MMP15: variants seen among roughly 807,000 people sequenced by gnomAD.
MMP15 encodes matrix metallopeptidase 15.
In MMP15, 36 loss-of-function variants were observed where a neutral mutation model predicts 65.0. The observed-to-expected ratio is 0.55, with a 90% CI of 0.42 to 0.73. MMP15 has a LOEUF of 0.73. MMP15 is among the 30% of genes least tolerant of loss of function. The probability of loss-of-function intolerance (pLI) is 0.00; values close to 1 mark genes in which losing one functional copy is unlikely to be tolerated. For synonymous variants in MMP15, 428 were observed against 410.2 expected (o/e 1.04, Z -0.52); for missense variants, 870 against 987.8 (o/e 0.88, Z 1.60).
chr16:58,043,713 C>A, intron 9 of MMP15, 86 bp downstream of exon 9: 1 of 985,302 alleles, frequency 1.0e-6, no homozygotes, highest in African/African-American at 1.7e-5. Context: ...CAAGGTCACC[C>A]GGCACTGTGA....
At chr16:58,032,362 G>A (rs550040231) in intron 1 of MMP15, among the ~76,000 whole-genome samples, 87 of 152,332 alleles carry the variant, frequency 5.7e-4, no homozygotes, top group African/African-American at 9.1e-4. Flanking sequence ...GCAGCCTTCC[G>A]GGGGCTGACT....
At chr16:58,031,125 AACTAAT>A (rs1567428316) in intron 1 of MMP15, among the ~76,000 whole-genome samples, 1 of 152,128 alleles carries the variant, frequency 6.6e-6, no homozygotes. Context: ...CAAAAGAGGA[AACTAAT>A]ACTGTGAGTT....
chr16:58,035,882 C>T (rs1959321493), intron 1 of MMP15, among the ~76,000 whole-genome samples: 1 of 152,226 alleles, frequency 6.6e-6, no homozygotes, highest in Non-Finnish European at 1.5e-5. Flanking sequence ...CTGGGTACCA[C>T]TGAGCTGGCC....
intron 3 of MMP15, among the ~76,000 whole-genome samples, chr16:58,039,405 C>T (rs1959401506): frequency 6.6e-6 from 1 of 152,208 alleles, no homozygotes; most frequent in Admixed American, 6.5e-5. Context: ...GCGCTCCAGC[C>T]CGGGTGACAG....
At chr16:58,036,840 G>T (rs1298187932) in intron 1 of MMP15, among the ~76,000 whole-genome samples, 1 of 152,258 alleles carries the variant, frequency 6.6e-6, no homozygotes, top group Non-Finnish European at 1.5e-5. Flanking sequence ...AGAGGGGCTA[G>T]TGCAGTTGTC....
intron 1 of MMP15, among the ~76,000 whole-genome samples, chr16:58,027,251 C>T (rs1436971521): frequency 6.6e-6 from 1 of 152,228 alleles, no homozygotes; most frequent in Non-Finnish European, 1.5e-5. Flanking sequence ...CGCTAGGAGC[C>T]CGCTTGGCGT....
chr16:58,038,959 A>G (rs996177695), intron 3 of MMP15, among the ~76,000 whole-genome samples: 4 of 152,216 alleles, frequency 2.6e-5, no homozygotes, highest in Admixed American at 2.0e-4. Context: ...CCAACCAGCT[A>G]AAATATTCCC....
chr16:58,041,684 G>A lies in MMP15; in HGVS notation c.978G>A (p.Arg326=). Residue 326 remains arginine (R), a synonymous_variant, in exon 6 of 10, where the codon CGG becomes CGA. Transcript: ENST00000219271. ...CTGTGACGCCACGGCGGCCAGGCCG[G>A]CCTGACCACCGGCCGCCCCGGCCTC... ...LPTVTPRRPG[R]PDHRPPRPPQ... is the part of the protein sequence containing the mutation. 2 of 1,579,134 alleles carry A rather than the reference G, an allele frequency of 1.3e-6. No homozygotes were observed. The highest frequency in any genetic ancestry group is 2.3e-5 in the South Asian group (2 of 87,192).
In MMP15 at chr16:58,041,655, C is replaced by T; in HGVS notation, c.949C>T (p.Pro317Ser). 1 of 1,582,136 alleles carries T rather than the reference C, an allele frequency of 6.3e-7. No homozygotes were observed. The highest frequency in any genetic ancestry group is 2.3e-5 in the East Asian group (1 of 42,602). Residue 317 changes from proline to serine, a missense_variant, in exon 6 of 10, where the codon CCC (proline) becomes TCC (serine). Transcript: ENST00000219271. ...TCAGCCACAGCCTACCCAGCCTCTCCCCACTGTGACGCCACGGCGGCCAGG... is the reference window on the plus strand; with the variant it reads ...TCAGCCACAGCCTACCCAGCCTCTCTCCACTGTGACGCCACGGCGGCCAGG... ...DGQPQPTQPL[P>S]TVTPRRPGRP...
chr16:58,028,685 C>T (rs1416143723), intron 1 of MMP15, among the ~76,000 whole-genome samples: 2 of 152,200 alleles, frequency 1.3e-5, no homozygotes, highest in African/African-American at 4.8e-5. Context: ...GGGACCTTCT[C>T]GGAGCAGCTT....
intron 9 of MMP15, among the ~76,000 whole-genome samples, chr16:58,044,322 C>T (rs1002512454): frequency 9.9e-5 from 15 of 152,146 alleles, no homozygotes; most frequent in Non-Finnish European, 1.8e-4. Context: ...TGACTTGCAC[C>T]TATAGTCCCA....
At position 58,045,029 on chromosome 16, in the gene MMP15, C is replaced by T; in HGVS notation, c.1593C>T (p.Gly531=). 1 of 1,613,468 alleles carries T rather than the reference C, an allele frequency of 6.2e-7. No homozygotes were observed. Among genetic ancestry groups the T allele is most frequent in the South Asian group, 1.1e-5 (1 of 91,084 alleles). The part of the protein sequence containing the change: ...NDAAYTYFYK[G]TKYWKFDNER... ...CAGCCTACACCTACTTCTACAAGGG[C>T]ACCAAATACTGGAAATTCGACAATG... is the stretch of plus-strand genomic sequence containing the variant. Residue 531 remains glycine (G), a synonymous_variant, in exon 10 of 10, where the codon GGC becomes GGT. Transcript: ENST00000219271.
In MMP15 at chr16:58,038,384, C is replaced by G; in HGVS notation, c.430C>G (p.Leu144Val). 6.2e-7 allele frequency: 1 copy of G among 1,614,078 alleles called. No individual in the cohort carries two copies. Among genetic ancestry groups the G allele is most frequent in the African/African-American group, 1.3e-5 (1 of 75,072 alleles). ...CGGGAGGAAGTGGAACAACCACCAT[C>G]TGACCTTTAGGTAGGGGGCTCAGCT... The part of the protein sequence containing the change: ...LTGRKWNNHH[L>V]TFSIQNYTEK... Residue 144 changes from leucine (L) to valine (V), a missense_variant, in exon 3 of 10, where the codon CTG becomes GTG. Leu to Val is a conservative substitution (Grantham distance 32). Coordinates refer to ENST00000219271, the MANE Select transcript of MMP15 (RefSeq NM_002428.4).
rs1308345835 is a variant in MMP15, at chr16:58,045,440, G to C, written c.2004G>C (p.Trp668Cys). 6.5e-7 allele frequency: 1 copy of C among 1,527,238 alleles called. No homozygotes were observed. 94.6% of individuals were successfully genotyped at this position (1,527,238 alleles called of 1,614,324 possible). A position where few individuals can be genotyped will look rare whatever the true frequency, so the allele number is the denominator to read the frequency against. Residue 668 changes from tryptophan to cysteine, a missense_variant, in exon 10 of 10, where the codon TGG becomes TGC. Transcript: ENST00000219271. The stretch of plus-strand genomic sequence containing the variant: ...ACTGCAAGCGCTCGCTGCAGGAGTG[G>C]GTCTGACCACCCAGCGCTCCTGCTA... The part of the protein sequence containing the change: ...LLYCKRSLQE[W>C]V
Position 58,045,611 on chromosome 16 carries a change from G to C in MMP15, c.*165G>C. 2 of 619,238 alleles carry C rather than the reference G, an allele frequency of 3.2e-6. No individual in the cohort carries two copies. The highest frequency in any genetic ancestry group is 5.5e-6 in the Non-Finnish European group (2 of 365,866). The allele number at this position is 619,238 out of a possible 1,614,324, so 38.4% of individuals were successfully genotyped here. ...AGGTGTTTGTTTTGTTTTGTTTTTGGCACCTTACTTGACCATTTGTTTCTG... is the reference window on the plus strand; with the variant it reads ...AGGTGTTTGTTTTGTTTTGTTTTTGCCACCTTACTTGACCATTTGTTTCTG... On this transcript the variant is annotated 3_prime_UTR_variant, in exon 10 of 10. Coordinates refer to ENST00000219271, the MANE Select transcript of MMP15 (RefSeq NM_002428.4).
rs772395535 is a variant in MMP15, at chr16:58,041,841, A to G, written c.1135A>G (p.Met379Val). The G allele has an allele frequency of 1.9e-6, 3 of 1,604,622 alleles. No individual in the cohort carries two copies. The highest frequency in any genetic ancestry group is 1.1e-5 in the South Asian group (1 of 89,398). The change falls in exon 6 of 10, where the codon ATG (methionine) becomes GTG (valine). Residue 379 changes from methionine to valine, a missense_variant. Physicochemically the swap from Met to Val is conservative, Grantham distance 21. Transcript: ENST00000219271. ...CGACGGGGACTTTGACACAGTGGCC[A>G]TGCTTCGCGGGGAGATGTTCGTGTT... The part of the protein sequence containing the change: ...ICDGDFDTVA[M>V]LRGEMFVFKG...
At chr16:58,039,481 G>T (rs1021408329) in intron 3 of MMP15, among the ~76,000 whole-genome samples, 9 of 152,182 alleles carry the variant, frequency 5.9e-5, no homozygotes, top group African/African-American at 2.2e-4. Context: ...CTTACCCAAG[G>T]TCACACAGAT....
At chr16:58,030,981 G>A (rs1462093885) in intron 1 of MMP15, among the ~76,000 whole-genome samples, 7 of 152,234 alleles carry the variant, frequency 4.6e-5, no homozygotes, top group South Asian at 2.1e-4. Context: ...CTAAGGAGGC[G>A]CAGGTGTTAT....
Position 58,045,180 on chromosome 16 carries a change from G to C in MMP15, c.1744G>C (p.Gly582Arg). 6.3e-7 allele frequency: 1 copy of C among 1,593,454 alleles called. No homozygotes were observed. Among genetic ancestry groups the C allele is most frequent in the Non-Finnish European group, 8.5e-7 (1 of 1,170,554 alleles). The change falls in exon 10 of 10, where the codon GGT becomes CGT. Residue 582 changes from glycine to arginine, a missense_variant. Gly to Arg is a moderately radical substitution (Grantham distance 125). Coordinates refer to ENST00000219271, the MANE Select transcript of MMP15 (RefSeq NM_002428.4). ...CCGGCCGCCCTTCAACCCCCACGGG[G>C]GTGCAGAGCCCGGGGCGGACAGCGC... ...VARPPFNPHG[G>R]AEPGADSAEG...
Sources: allele counts gnomAD v4.1 joint callset (sites outside exome capture counted in the v4.1 genomes callset), GRCh38; gene constraint gnomAD v4.1.1; transcripts MANE v1.5; gene names NCBI Gene and HGNC (gene_info 2026-07-23, HGNC 2026-07-21).